The following CBR4 variants were observed in gnomAD, a reference collection of about 807,000 sequenced individuals.
The protein encoded by CBR4 is 3-oxoacyl-[acyl-carrier-protein] reductase.
Under a neutral mutation model 21.0 loss-of-function variants are expected in CBR4, and 22 were observed. The observed-to-expected ratio is 1.05, with a 90% CI of 0.75 to 1.50. The LOEUF (loss-of-function observed/expected upper bound fraction) is 1.50. Ranked by LOEUF, CBR4 falls within the 40% of genes most tolerant of loss-of-function variation. The pLI is 0.00. For synonymous variants in CBR4, 100 were observed against 104.4 expected (o/e 0.96, Z 0.26); for missense variants, 302 against 286.3 (o/e 1.05, Z -0.40).
At chr4:168,979,230 A>G (rs1373959911) in intron 2 of CBR4, among the ~76,000 whole-genome samples, 1 of 148,936 alleles carries the variant, frequency 6.7e-6, no homozygotes, top group East Asian at 2.0e-4. Flanking sequence ...GTAGCTCTGC[A>G]CTTCCCTAGG....
At chr4:168,928,829 ACTTTCT>A (rs914222714) in intron 2 of CBR4, among the ~76,000 whole-genome samples, 1 of 152,102 alleles carries the variant, frequency 6.6e-6, no homozygotes, top group Non-Finnish European at 1.5e-5. Context: ...TCCCTCTCAC[ACTTTCT>A]CTTTGTCAAA....
In CBR4 at chr4:168,988,423, C is replaced by T; in HGVS notation, c.*1727G>A. 1 of 985,420 alleles carries T rather than the reference C, an allele frequency of 1.0e-6. No individual in the cohort carries two copies. The highest frequency in any genetic ancestry group is 1.2e-6 in the Non-Finnish European group (1 of 829,932). The allele number at this position is 985,420 out of a possible 1,614,324, so 61.0% of individuals were successfully genotyped here. On this transcript the variant is annotated 3_prime_UTR_variant, in exon 5 of 5. Transcript: ENST00000306193. The stretch of plus-strand genomic sequence containing the variant: ...AATCACCAATTGAATCAGCCTCGCT[C>T]ATGATTTCAGAGCATAAGGTGTCCA...
intron 3 of CBR4, chr4:169,005,929 C>T: frequency 7.8e-7 from 1 of 1,281,716 alleles, no homozygotes; most frequent in Non-Finnish European, 1.0e-6. Flanking sequence ...TAAGGTATTA[C>T]CATTTGAAAA....
chr4:168,924,091 C>G (rs1762114207), intron 2 of CBR4, among the ~76,000 whole-genome samples: 1 of 152,132 alleles, frequency 6.6e-6, no homozygotes, highest in South Asian at 2.1e-4. Context: ...CAGACCTTTG[C>G]TTGGTAAAAG....
chr4:169,004,878 A>T (rs1730774225), intron 3 of CBR4, among the ~76,000 whole-genome samples: 2 of 152,218 alleles, frequency 1.3e-5, no homozygotes, highest in Non-Finnish European at 2.9e-5. Flanking sequence ...AATAATTTTT[A>T]ATTCAAATAT....
downstream of CBR4, among the ~76,000 whole-genome samples, chr4:168,986,733 A>T (rs1214679797): frequency 6.6e-6 from 1 of 152,196 alleles, no homozygotes; most frequent in Non-Finnish European, 1.5e-5. Context: ...ACTTGAGGCC[A>T]GGAGTTCAAG....
At chr4:168,925,192 C>CA in intron 2 of CBR4, 1 of 1,561,186 alleles carries the variant, frequency 6.4e-7, no homozygotes, top group Non-Finnish European at 8.7e-7. Flanking sequence ...TTTTATTTGT[C>CA]AAAAAAATTC....
At chr4:168,955,129 T>C (rs548242224) in intron 2 of CBR4, among the ~76,000 whole-genome samples, 2 of 152,364 alleles carry the variant, frequency 1.3e-5, no homozygotes, top group South Asian at 2.1e-4. Context: ...ATGTAGTTAA[T>C]GATTATGATA....
At position 168,988,897 on chromosome 4, in the gene CBR4, C is replaced by A. The variant is rs1005871528; in HGVS notation, c.*1253G>T. ...ACTGACTTTCAATATAAAATTAAAT[C>A]TCTGCTTACACAAAATAACTGTCAG... On this transcript the variant is annotated 3_prime_UTR_variant, in exon 5 of 5. Coordinates refer to ENST00000306193, the MANE Select transcript of CBR4 (RefSeq NM_032783.5). 3 of 979,424 alleles carry A rather than the reference C, an allele frequency of 3.1e-6. No homozygotes were observed. Among genetic ancestry groups the A allele is most frequent in the Non-Finnish European group, 3.6e-6 (3 of 824,618 alleles). 60.7% of individuals were successfully genotyped at this position (979,424 alleles called of 1,614,324 possible). A position where few individuals can be genotyped will look rare whatever the true frequency, so the allele number is the denominator to read the frequency against.
At chr4:169,009,874 T>A in intron 1 of CBR4, 74 bp downstream of exon 1, 1 of 1,427,338 alleles carries the variant, frequency 7.0e-7, no homozygotes, top group Non-Finnish European at 9.5e-7. Flanking sequence ...AGACCCGCTC[T>A]TTTTACAAAG....
At chr4:168,900,743 A>G (rs1047671110) in intron 2 of CBR4, among the ~76,000 whole-genome samples, 18 of 152,230 alleles carry the variant, frequency 1.2e-4, no homozygotes, top group Non-Finnish European at 2.6e-4. Context: ...CCATTGTTAT[A>G]GAAAACTTTT....
At chr4:168,970,593 A>G (rs1400538183) in intron 2 of CBR4, among the ~76,000 whole-genome samples, 1 of 152,170 alleles carries the variant, frequency 6.6e-6, no homozygotes, top group Non-Finnish European at 1.5e-5. Context: ...TCACCTGAGC[A>G]GTGTACACTG....
chr4:168,983,358 G>T (rs1244726455), downstream of CBR4, among the ~76,000 whole-genome samples: 1 of 151,934 alleles, frequency 6.6e-6, no homozygotes, highest in African/African-American at 2.4e-5. Flanking sequence ...TCCCAAGATT[G>T]AACCAGGATG....
intron 2 of CBR4, among the ~76,000 whole-genome samples, chr4:168,960,026 A>C (rs1763801280): frequency 6.6e-6 from 1 of 152,026 alleles, no homozygotes. Flanking sequence ...ATTTCTCTCC[A>C]TCAATATTAC....
At chr4:168,968,858 C>T (rs1764121265) in intron 2 of CBR4, among the ~76,000 whole-genome samples, 1 of 152,178 alleles carries the variant, frequency 6.6e-6, no homozygotes, top group Non-Finnish European at 1.5e-5. Context: ...CTTTTCCTAC[C>T]ATGATAATTC....
chr4:168,899,347 C>T (rs1755945220), intron 2 of CBR4, among the ~76,000 whole-genome samples: 1 of 151,832 alleles, frequency 6.6e-6, no homozygotes, highest in South Asian at 2.1e-4. Context: ...ACTAGCCCAG[C>T]AAGGCAGTAA....
Position 168,926,246 on chromosome 4 carries a change from CA to C in CBR4, n.170-31482del. Reference sequence around the variant, plus strand: ...CATCAGCAGTCACAGAGCACCAAGCCAAAAAAAGTACGGCCCTCAGCCAGTC... The same window carrying C: ...CATCAGCAGTCACAGAGCACCAAGCCAAAAAAGTACGGCCCTCAGCCAGTC... On this transcript the variant is annotated intron_variant and non_coding_transcript_variant, in intron 2 of 3. Transcript: ENST00000509108. 2 of 1,535,886 alleles carry C rather than the reference CA, an allele frequency of 1.3e-6. No homozygotes were observed. The highest frequency in any genetic ancestry group is 1.4e-5 in the African/African-American group (1 of 73,068).
At chr4:168,971,969 G>T (rs567239190) in intron 2 of CBR4, among the ~76,000 whole-genome samples, 1 of 152,140 alleles carries the variant, frequency 6.6e-6, no homozygotes, top group Non-Finnish European at 1.5e-5. Context: ...TTTGTATAAG[G>T]TGAGAGATGA....
intron 4 of CBR4, among the ~76,000 whole-genome samples, chr4:169,000,305 AG>A (rs1400978112): frequency 6.6e-6 from 1 of 152,136 alleles, no homozygotes; most frequent in Non-Finnish European, 1.5e-5. Context: ...CCCAGCAAAT[AG>A]ATGTATCTGA....
Sources: gnomAD v4.1 joint callset for allele counts (sites outside exome capture counted in the v4.1 genomes callset) on GRCh38, gnomAD v4.1.1 for gene constraint, MANE v1.5 for transcripts, NCBI Gene and HGNC (gene_info 2026-07-23, HGNC 2026-07-21) for gene names.